Variants in EIF4G3 observed in about 807,000 individuals in gnomAD.
EIF4G3 encodes eukaryotic translation initiation factor 4 gamma 3.
A neutral mutation model predicts 186.4 loss-of-function variants in EIF4G3; 34 were observed. The ratio of observed to expected loss-of-function variants is 0.18; its 90% CI spans 0.14 to 0.24. The LOEUF (loss-of-function observed/expected upper bound fraction) is 0.24, where lower values mean the gene tolerates loss of function less well. EIF4G3 is among the 10% of genes least tolerant of loss of function. EIF4G3 has a pLI of 1.00. For synonymous variants in EIF4G3, 673 were observed against 679.5 expected (o/e 0.99, Z 0.15); for missense variants, 1,536 against 1,948.5 (o/e 0.79, Z 3.99).
At chr1:21,069,744 C>T (rs2095384236) in intron 3 of EIF4G3, among the ~76,000 whole-genome samples, 1 of 152,078 alleles carries the variant, frequency 6.6e-6, no homozygotes, top group South Asian at 2.1e-4. Context: ...AAGACTGAGT[C>T]TAACTCGTAG....
intron 2 of EIF4G3, among the ~76,000 whole-genome samples, chr1:21,120,707 T>C (rs978954237): frequency 2.0e-5 from 3 of 151,972 alleles, no homozygotes; most frequent in African/African-American, 7.3e-5. Flanking sequence ...AAGATACCAG[T>C]TATAAATATG....
chr1:20,957,754 G>C (rs983654711), intron 12 of EIF4G3, among the ~76,000 whole-genome samples: 1 of 151,994 alleles, frequency 6.6e-6, no homozygotes, highest in African/African-American at 2.4e-5. Context: ...AACATCACTC[G>C]AGACTACTAT....
chr1:21,029,255 C>A (rs942326517), intron 4 of EIF4G3, among the ~76,000 whole-genome samples: 5 of 150,686 alleles, frequency 3.3e-5, no homozygotes, highest in Non-Finnish European at 7.4e-5. Context: ...CCTGGCCTCA[C>A]GTGATCCGCC....
chr1:21,002,659 C>A, intron 5 of EIF4G3, 54 bp downstream of exon 5: 1 of 1,576,742 alleles, frequency 6.3e-7, no homozygotes, highest in South Asian at 1.2e-5. Context: ...CAAGCCACTA[C>A]ACACACAAAC....
At chr1:21,098,332 A>C (rs764170507) in intron 2 of EIF4G3, among the ~76,000 whole-genome samples, 2 of 152,000 alleles carry the variant, frequency 1.3e-5, no homozygotes, top group Non-Finnish European at 2.9e-5. Context: ...GCTTGAGTCC[A>C]GGAGTTCAGG....
intron 14 of EIF4G3, among the ~76,000 whole-genome samples, chr1:20,916,823 G>A (rs1465890035): frequency 6.6e-6 from 1 of 152,176 alleles, no homozygotes; most frequent in African/African-American, 2.4e-5. Flanking sequence ...TATGCACAAC[G>A]TATTTATAGA....
chr1:21,133,397 G>C (rs1047956275), intron 2 of EIF4G3, among the ~76,000 whole-genome samples: 2 of 151,916 alleles, frequency 1.3e-5, no homozygotes, highest in African/African-American at 2.4e-5. Context: ...GCTAATTTTT[G>C]TATTTTTTTA....
intron 24 of EIF4G3, among the ~76,000 whole-genome samples, chr1:20,858,939 T>G (rs1288105987): frequency 6.6e-6 from 1 of 152,166 alleles, no homozygotes. Flanking sequence ...GAGGTTGCAG[T>G]GAGCCGAGAT....
At chr1:20,936,156 A>T (rs1239881360) in intron 14 of EIF4G3, among the ~76,000 whole-genome samples, 1 of 152,194 alleles carries the variant, frequency 6.6e-6, no homozygotes, top group Non-Finnish European at 1.5e-5. Context: ...TATATAAAAG[A>T]ATTTGACCAG....
intron 2 of EIF4G3, among the ~76,000 whole-genome samples, chr1:21,167,070 A>G (rs1298540056): frequency 6.6e-6 from 1 of 152,130 alleles, no homozygotes. Flanking sequence ...GCCATGAGTC[A>G]CTGCACCTGG....
chr1:21,160,995 A>T (rs909446521), intron 2 of EIF4G3, among the ~76,000 whole-genome samples: 1 of 151,998 alleles, frequency 6.6e-6, no homozygotes, highest in African/African-American at 2.4e-5. Flanking sequence ...ACATGGTGAA[A>T]CCCCGTCTCT....
chr1:21,112,809 G>A (rs1558018897), intron 2 of EIF4G3, among the ~76,000 whole-genome samples: 1 of 152,086 alleles, frequency 6.6e-6, no homozygotes, highest in Non-Finnish European at 1.5e-5. Context: ...TTATGTAGAA[G>A]GGGCATACTC....
chr1:21,016,316 T>A (rs1453886891), intron 4 of EIF4G3, among the ~76,000 whole-genome samples: 1 of 151,808 alleles, frequency 6.6e-6, no homozygotes, highest in Non-Finnish European at 1.5e-5. Flanking sequence ...AAAAAGAGAA[T>A]CAAAATGTGT....
chr1:20,898,393 G>A (rs1168450781), intron 16 of EIF4G3, among the ~76,000 whole-genome samples: 1 of 152,064 alleles, frequency 6.6e-6, no homozygotes, highest in Non-Finnish European at 1.5e-5. Flanking sequence ...ACTAGTCATT[G>A]GTTTTCAAAC....
chr1:21,055,574 C>T (rs535449027), intron 3 of EIF4G3, among the ~76,000 whole-genome samples: 1 of 152,260 alleles, frequency 6.6e-6, no homozygotes, highest in African/African-American at 2.4e-5. Context: ...ACTTTACTAT[C>T]TTCCCAGGAT....
chr1:21,142,805 TAAG>T (rs2097363220), intron 2 of EIF4G3, among the ~76,000 whole-genome samples: 1 of 151,878 alleles, frequency 6.6e-6, no homozygotes, highest in Non-Finnish European at 1.5e-5. Flanking sequence ...GTTCATAATA[TAAG>T]AAAAACAGAA....
intron 4 of EIF4G3, among the ~76,000 whole-genome samples, chr1:21,024,919 G>A (rs1452914785): frequency 6.9e-6 from 1 of 145,166 alleles, no homozygotes; most frequent in Non-Finnish European, 1.5e-5. Flanking sequence ...AAAAAAGAAA[G>A]TGGTGTAAGG....
Position 20,941,598 on chromosome 1 carries a change from C to A in EIF4G3, c.1556G>T (p.Ser519Ile). 1.2e-6 allele frequency: 2 copies of A among 1,614,200 alleles called. No homozygotes were observed. The highest frequency in any genetic ancestry group is 1.7e-6 in the Non-Finnish European group (2 of 1,180,032). ...GTTCTGAATCTCTTTTGCATCTTCACTAAGGCAAGTTCTTATGCTCTCGTC... is the reference window on the plus strand; with the variant it reads ...GTTCTGAATCTCTTTTGCATCTTCAATAAGGCAAGTTCTTATGCTCTCGTC... ...EEDESIRTCL[S>I]EDAKEIQNKI... The change falls in exon 14 of 37, where the codon AGT (serine) becomes ATT (isoleucine). Residue 519 changes from serine (S) to isoleucine (I), a missense_variant. Ser to Ile is a moderately radical substitution (Grantham distance 142, BLOSUM62 -2). This residue lies in a region of EIF4G3 where 560 missense variants were observed against 547.8 expected (regional missense o/e 1.02). Coordinates refer to ENST00000602326, the MANE Select transcript of EIF4G3 (RefSeq NM_001391906.1).
At chr1:21,081,763 T>C (rs1572237021) in intron 3 of EIF4G3, among the ~76,000 whole-genome samples, 1 of 150,194 alleles carries the variant, frequency 6.7e-6, no homozygotes, top group East Asian at 2.0e-4. Context: ...TGTCTCAGCC[T>C]CCCAAGTAGC....
Sources: gnomAD v4.1 joint callset for allele counts (sites outside exome capture counted in the v4.1 genomes callset) on GRCh38, gnomAD v4.1.1 for gene constraint, gnomAD v4.1.1 regional missense constraint, MANE v1.5 for transcripts, NCBI Gene and HGNC (gene_info 2026-07-23, HGNC 2026-07-21) for gene names.